SEC63: variants seen among roughly 807,000 people sequenced by gnomAD.
The protein encoded by SEC63 is SEC63 protein translocation regulator, also known as translocation protein SEC63 homolog.
Under a neutral mutation model 116.2 loss-of-function variants are expected in SEC63, and 56 were observed. The ratio of observed to expected loss-of-function variants is 0.48; its 90% CI spans 0.39 to 0.60. The LOEUF (loss-of-function observed/expected upper bound fraction) is 0.60. SEC63 is among the 20% of genes least tolerant of loss of function. The pLI, the probability that SEC63 is intolerant of heterozygous loss-of-function variation, is 0.00. For synonymous variants in SEC63, 273 were observed against 294.6 expected (o/e 0.93, Z 0.75); for missense variants, 668 against 900.0 (o/e 0.74, Z 3.30).
At chr6:107,897,585 G>T in intron 14 of SEC63, 64 bp downstream of exon 14, 1 of 1,134,406 alleles carries the variant, frequency 8.8e-7, no homozygotes, top group Non-Finnish European at 1.3e-6. Flanking sequence ...GACAATGAGG[G>T]AAATAAATAT....
intron 13 of SEC63, among the ~76,000 whole-genome samples, chr6:107,899,940 T>C (rs961525843): frequency 6.6e-6 from 1 of 152,142 alleles, no homozygotes; most frequent in East Asian, 1.9e-4. Context: ...ACAACACATA[T>C]GCTACACTCC....
chr6:107,912,064 GATA>G (rs1787294887), intron 6 of SEC63, among the ~76,000 whole-genome samples: 2 of 152,170 alleles, frequency 1.3e-5, no homozygotes, highest in African/African-American at 4.8e-5. Flanking sequence ...TAATCTGCCA[GATA>G]ATAACTTAAT....
chr6:107,954,814 G>C (rs1382143643), intron 1 of SEC63: 1 of 150,866 alleles, frequency 6.6e-6, no homozygotes, highest in South Asian at 2.1e-4. Flanking sequence ...TACTACAACT[G>C]TAATTCCACA....
chr6:107,915,216 T>C (rs1315171764), intron 4 of SEC63, among the ~76,000 whole-genome samples: 1 of 152,116 alleles, frequency 6.6e-6, no homozygotes, highest in Non-Finnish European at 1.5e-5. Context: ...TAAACATGAT[T>C]ATATCCCTTA....
rs1029834435 is a variant in SEC63 at position 107,870,464 on chromosome 6, A to T, written c.*1240T>A. Reference sequence around the variant, plus strand: ...ACCTATGGAGATTTTGATAGGAAAGAATTATTACAATCAGTTTTATAATAC... The same window carrying T: ...ACCTATGGAGATTTTGATAGGAAAGTATTATTACAATCAGTTTTATAATAC... On this transcript the variant is annotated 3_prime_UTR_variant, in exon 21 of 21. Transcript: ENST00000369002. 1 of 152,642 alleles carries T rather than the reference A, an allele frequency of 6.6e-6. No homozygotes were observed. Among genetic ancestry groups the T allele is most frequent in the Non-Finnish European group, 1.5e-5 (1 of 68,030 alleles). The allele number at this position is 152,642 out of a possible 1,614,324, so 9.5% of individuals were successfully genotyped here.
intron 4 of SEC63, among the ~76,000 whole-genome samples, chr6:107,919,067 C>A (rs544784163): frequency 9.5e-4 from 144 of 152,196 alleles, no homozygotes; most frequent in Non-Finnish European, 1.9e-3. Flanking sequence ...TGCCCCACCA[C>A]ACCCGGCTAA....
At chr6:107,914,576 T>C (rs920106629) in intron 4 of SEC63, among the ~76,000 whole-genome samples, 1 of 152,170 alleles carries the variant, frequency 6.6e-6, no homozygotes, top group Non-Finnish European at 1.5e-5. Context: ...TTACACTATT[T>C]GATGAAAGGC....
chr6:107,880,581 G>C (rs537889909), intron 18 of SEC63, among the ~76,000 whole-genome samples: 3 of 152,132 alleles, frequency 2.0e-5, no homozygotes, highest in Non-Finnish European at 4.4e-5. Flanking sequence ...TCCTGAGCCC[G>C]GGGCTCAGTT....
intron 18 of SEC63, among the ~76,000 whole-genome samples, chr6:107,878,269 A>G (rs1288040753): frequency 2.0e-5 from 3 of 152,252 alleles, no homozygotes; most frequent in African/African-American, 7.2e-5. Flanking sequence ...ATCAGTGCCT[A>G]CTTCTGGCCA....
intron 1 of SEC63, among the ~76,000 whole-genome samples, chr6:107,939,394 G>A (rs1413496588): frequency 1.3e-5 from 2 of 152,126 alleles, no homozygotes; most frequent in Admixed American, 6.5e-5. Context: ...TAGCTTATTC[G>A]ATGTATAGAA....
At chr6:107,930,354 T>C (rs1787773119) in intron 1 of SEC63, among the ~76,000 whole-genome samples, 1 of 151,810 alleles carries the variant, frequency 6.6e-6, no homozygotes. Context: ...CTCACGCCTG[T>C]AATCCCGGCA....
At chr6:107,936,567 T>C (rs1343422610) in intron 1 of SEC63, among the ~76,000 whole-genome samples, 1 of 152,232 alleles carries the variant, frequency 6.6e-6, no homozygotes, top group East Asian at 1.9e-4. Context: ...ATTATCCACA[T>C]TTATAGAAAC....
chr6:107,877,071 G>GTATATATATATATATATA (rs1554231968), intron 18 of SEC63: 1 of 34,480 alleles, frequency 2.9e-5, no homozygotes, highest in African/African-American at 9.2e-5. Flanking sequence ...ATATGTGTGT[G>GTATATATATATATATATA]TATATATATA....
intron 6 of SEC63, among the ~76,000 whole-genome samples, chr6:107,912,230 T>A (rs1787298169): frequency 6.6e-6 from 1 of 152,214 alleles, no homozygotes; most frequent in Admixed American, 6.5e-5. Context: ...GATTGAAGTC[T>A]GATATCCTAC....
At chr6:107,922,155 A>G (rs1339853921) in intron 3 of SEC63, among the ~76,000 whole-genome samples, 1 of 152,230 alleles carries the variant, frequency 6.6e-6, no homozygotes, top group Non-Finnish European at 1.5e-5. Context: ...ATAGTAAACT[A>G]AGCACTGATA....
intron 1 of SEC63, among the ~76,000 whole-genome samples, chr6:107,935,934 T>C (rs1383865606): frequency 6.6e-6 from 1 of 152,246 alleles, no homozygotes; most frequent in East Asian, 1.9e-4. Flanking sequence ...GCGGTAATGT[T>C]AATTTTCTGA....
intron 1 of SEC63, among the ~76,000 whole-genome samples, chr6:107,940,125 C>A (rs1307183829): frequency 6.6e-6 from 1 of 152,198 alleles, no homozygotes; most frequent in Admixed American, 6.5e-5. Context: ...ATCCACTACA[C>A]ATACTCTGGC....
At position 107,937,563 on chromosome 6, in the gene SEC63, T is replaced by C. The variant is rs1770283272; in HGVS notation, c.125-8049A>G. On this transcript the variant is annotated intron_variant, in intron 1 of 20. Transcript: ENST00000369002. ...AATTTATTTTCTTTTAGATATATAC[T>C]CAGTAATGGGATTGTTGGGTCAAAT... 2.0e-5 allele frequency among the ~76,000 whole-genome samples: 3 copies of C among 152,244 alleles called. No individual in the cohort carries two copies. In the South Asian group the frequency reaches 6.2e-4, roughly 31 times the overall value.
Position 107,902,753 on chromosome 6 carries a change from T to G in SEC63, c.1209+91A>C, listed in dbSNP as rs1036631797. On this transcript the variant is annotated intron_variant, in intron 12 of 20. Transcript: ENST00000369002. ...AGACATTCTAAATCTAAAAAATGCA[T>G]AGTAACCATTTCCAGAAAACTTTTA... 7 of 1,204,704 alleles carry G rather than the reference T, an allele frequency of 5.8e-6. No homozygotes were observed. In the East Asian group the frequency reaches 1.6e-4, roughly 28 times the overall value. The allele number at this position is 1,204,704 out of a possible 1,614,324, so 74.6% of individuals were successfully genotyped here.
Sources: allele counts gnomAD v4.1 joint callset (sites outside exome capture counted in the v4.1 genomes callset), GRCh38; gene constraint gnomAD v4.1.1; transcripts MANE v1.5; gene names NCBI Gene and HGNC (gene_info 2026-07-23, HGNC 2026-07-21).